DNAJC10: variants seen among roughly 807,000 people sequenced by gnomAD.
DNAJC10 encodes the protein DnaJ heat shock protein family (Hsp40) member C10.
In DNAJC10, 101 loss-of-function variants were observed where a neutral mutation model predicts 115.0. The observed-to-expected ratio is 0.88, with a 90% CI of 0.75 to 1.04. The LOEUF is 1.04. Ranked by LOEUF, DNAJC10 falls within the 50% of genes least tolerant of loss-of-function variation. DNAJC10 has a pLI of 0.00. For synonymous variants in DNAJC10, 307 were observed against 301.5 expected (o/e 1.02, Z -0.19); for missense variants, 981 against 928.8 (o/e 1.06, Z -0.73).
rs987436499 is a variant in DNAJC10 at position 182,780,920 on chromosome 2, A to C, written c.*3788A>C. 1 of 151,946 alleles carries C rather than the reference A, an allele frequency of 6.6e-6. No homozygotes were observed. The highest frequency in any genetic ancestry group is 2.4e-5 in the African/African-American group (1 of 41,354). The allele number at this position is 151,946 out of a possible 1,614,324, so 9.4% of individuals were successfully genotyped here. On this transcript the variant is annotated 3_prime_UTR_variant, in exon 24 of 24. Transcript: ENST00000264065. ...GTCCTGAAAGTTAGCAATCATCCCC[A>C]AAAAGGTCTGTGTTAATAACTGATA...
chr2:182,730,413 CAG>C (rs1370993823), intron 8 of DNAJC10: 3 of 280,682 alleles, frequency 1.1e-5, no homozygotes, highest in African/African-American at 6.8e-5. Flanking sequence ...AGTTACGTGT[CAG>C]AAACTATTAA....
Position 182,790,503 on chromosome 2 carries a change from G to T in DNAJC10, c.*13371G>T, listed in dbSNP as rs288303. 0.68 allele frequency: 102,676 copies of T among 151,888 alleles called. 35,414 individuals carry two copies. Among genetic ancestry groups the T allele is most frequent in the African/African-American group, 0.8 (33,225 of 41,402 alleles). 9.4% of individuals were successfully genotyped at this position (151,888 alleles called of 1,614,324 possible). ...TCCCTTTTCTAAAATTCAATAGTAA[G>T]GGCCAGGCACAGTGGCTCACACCTG... is the stretch of plus-strand genomic sequence containing the variant. On this transcript the variant is annotated 3_prime_UTR_variant, in exon 24 of 24. Coordinates refer to ENST00000264065, the MANE Select transcript of DNAJC10 (RefSeq NM_018981.4).
intron 21 of DNAJC10, 88 bp from the exon 22 acceptor site, chr2:182,762,594 T>A: frequency 7.5e-7 from 1 of 1,340,838 alleles, no homozygotes; most frequent in Admixed American, 2.2e-5. Flanking sequence ...AATTCTTAGA[T>A]TCAAAATGTT....
At position 182,788,695 on chromosome 2, in the gene DNAJC10, A is replaced by C. The variant is rs1694994067; in HGVS notation, c.*11563A>C. ...AGGAAGTGAGCTTATCCCACAGCACAAGTAACGTCTATTTATCTCAGAGGA... is the reference window on the plus strand; with the variant it reads ...AGGAAGTGAGCTTATCCCACAGCACCAGTAACGTCTATTTATCTCAGAGGA... On this transcript the variant is annotated 3_prime_UTR_variant, in exon 24 of 24. Coordinates refer to ENST00000264065, the MANE Select transcript of DNAJC10 (RefSeq NM_018981.4). 2.5e-6 allele frequency: 1 copy of C among 404,242 alleles called. No individual in the cohort carries two copies. Among genetic ancestry groups the C allele is most frequent in the African/African-American group, 2.1e-5 (1 of 47,644 alleles). 25.0% of individuals were successfully genotyped at this position (404,242 alleles called of 1,614,324 possible). A position where few individuals can be genotyped will look rare whatever the true frequency, so the allele number is the denominator to read the frequency against.
chr2:182,732,322 T>G (rs908159429), intron 9 of DNAJC10, among the ~76,000 whole-genome samples, 177 bp from the exon 10 acceptor site: 7 of 141,688 alleles, frequency 4.9e-5, no homozygotes, highest in Non-Finnish European at 7.4e-5. Context: ...GTGTGTGTGT[T>G]TTTGTGTGTG....
At chr2:182,748,423 A>C (rs1245528545) in intron 14 of DNAJC10, among the ~76,000 whole-genome samples, 1 of 152,218 alleles carries the variant, frequency 6.6e-6, no homozygotes, top group Non-Finnish European at 1.5e-5. Context: ...TTATTGGTCT[A>C]TTCAGAGATT....
Position 182,756,211 on chromosome 2 carries a change from T to G in DNAJC10, c.1654-103T>G. 3.1e-6 allele frequency: 3 copies of G among 962,062 alleles called. No homozygotes were observed. In the South Asian group the frequency reaches 8.0e-5, roughly 26 times the overall value. 59.6% of individuals were successfully genotyped at this position (962,062 alleles called of 1,614,324 possible). ...ATTCAAAATTCTCAATACTTCCAAG[T>G]ATTTTGGATAAGAGATACTCAACCT... On this transcript the variant is annotated intron_variant, in intron 17 of 23. Transcript: ENST00000264065.
rs565955158 is a variant in DNAJC10, at chr2:182,755,987, A to G, written c.1654-327A>G. Among the ~76,000 whole-genome samples the G allele has an allele frequency of 5.9e-5, 9 of 152,340 alleles. No individual in the cohort carries two copies. The South Asian group carries it at 1.2e-3, about 21-fold the overall frequency. On this transcript the variant is annotated intron_variant, in intron 17 of 23. Transcript: ENST00000264065. ...AAAAATCTAAGTTAGGTTTATTTTCATATTTTAAGATAATTCACATTGGAT... is the reference window on the plus strand; with the variant it reads ...AAAAATCTAAGTTAGGTTTATTTTCGTATTTTAAGATAATTCACATTGGAT...
At chr2:182,751,284 C>G (rs920056834) in intron 14 of DNAJC10, among the ~76,000 whole-genome samples, 6 of 151,656 alleles carry the variant, frequency 4.0e-5, no homozygotes, top group Non-Finnish European at 8.8e-5. Context: ...ACACACGTGG[C>G]CACCATGCCC....
intron 11 of DNAJC10, among the ~76,000 whole-genome samples, chr2:182,736,700 A>C (rs1437541047): frequency 6.6e-6 from 1 of 152,190 alleles, no homozygotes; most frequent in Non-Finnish European, 1.5e-5. Flanking sequence ...TTCCTGGGTT[A>C]TACGAAAGAG....
At chr2:182,761,134 G>T (rs1347434343) in intron 21 of DNAJC10, among the ~76,000 whole-genome samples, 1 of 152,034 alleles carries the variant, frequency 6.6e-6, no homozygotes, top group Admixed American at 6.6e-5. Flanking sequence ...TCTTTAAGGA[G>T]ATTTTAATCT....
intron 8 of DNAJC10, among the ~76,000 whole-genome samples, chr2:182,730,178 C>T (rs912619101): frequency 6.6e-6 from 1 of 152,044 alleles, no homozygotes; most frequent in Non-Finnish European, 1.5e-5. Flanking sequence ...GATAGGGCTA[C>T]GGTAAAAAAG....
chr2:182,751,940 T>A, intron 15 of DNAJC10, 132 bp from the exon 16 acceptor site: 1 of 1,183,630 alleles, frequency 8.4e-7, no homozygotes, highest in Non-Finnish European at 1.2e-6. Flanking sequence ...AGTGCTAATG[T>A]AATTACTCCT....
chr2:182,793,572 A>T lies in DNAJC10; in HGVS notation c.*16440A>T, dbSNP rs1221553194. The T allele has an allele frequency of 6.6e-6, 1 of 152,168 alleles. No individual in the cohort carries two copies. Among genetic ancestry groups the T allele is most frequent in the African/African-American group, 2.4e-5 (1 of 41,432 alleles). The allele number at this position is 152,168 out of a possible 1,614,324, so 9.4% of individuals were successfully genotyped here. A position where few individuals can be genotyped will look rare whatever the true frequency, so the allele number is the denominator to read the frequency against. On this transcript the variant is annotated 3_prime_UTR_variant, in exon 24 of 24. Coordinates refer to ENST00000264065, the MANE Select transcript of DNAJC10 (RefSeq NM_018981.4). ...GTACAGAAATAGCTTGATTGGTTAC[A>T]GATAGGCATTTGCCTTATTTGGACA...
intron 9 of DNAJC10, among the ~76,000 whole-genome samples, chr2:182,732,143 C>T (rs1693463327): frequency 6.6e-6 from 1 of 152,052 alleles, no homozygotes; most frequent in South Asian, 2.1e-4. Flanking sequence ...TATCAAATAT[C>T]TATTACATTT....
chr2:182,784,973 C>A lies in DNAJC10; in HGVS notation c.*7841C>A, dbSNP rs288311. Reference sequence around the variant, plus strand: ...ACTTGATAAGAATCACACAGTCTAGCTGGCCTTTGTGTTTTCACTAAAAAT... The same window carrying A: ...ACTTGATAAGAATCACACAGTCTAGATGGCCTTTGTGTTTTCACTAAAAAT... On this transcript the variant is annotated 3_prime_UTR_variant, in exon 24 of 24. Coordinates refer to ENST00000264065, the MANE Select transcript of DNAJC10 (RefSeq NM_018981.4). 6.6e-6 allele frequency: 1 copy of A among 152,032 alleles called. No individual in the cohort carries two copies. The highest frequency in any genetic ancestry group is 2.1e-4 in the South Asian group (1 of 4,836). The allele number at this position is 152,032 out of a possible 1,614,324, so 9.4% of individuals were successfully genotyped here.
intron 16 of DNAJC10, among the ~76,000 whole-genome samples, chr2:182,754,366 G>C (rs1242988874): frequency 1.3e-5 from 2 of 152,234 alleles, no homozygotes; most frequent in South Asian, 4.1e-4. Context: ...CACAGACAAG[G>C]ATCTCTTTAT....
Position 182,729,849 on chromosome 2 carries a change from C to T in DNAJC10, c.635C>T (p.Ala212Val). 1 of 1,579,520 alleles carries T rather than the reference C, an allele frequency of 6.3e-7. No homozygotes were observed. ...PSLFIFRSGM[A>V]PVKYHGDRSK... ...TTCTCTTCTTACAAAAACCAATAGG[C>T]CCCAGTGAAATATCATGGAGACAGA... The change falls in exon 8 of 24, where the codon GCC (alanine) becomes GTC (valine). Residue 212 changes from alanine (A) to valine (V), a missense_variant and splice_region_variant. By Grantham distance (64) the Ala-to-Val change is moderately conservative. Coordinates refer to ENST00000264065, the MANE Select transcript of DNAJC10 (RefSeq NM_018981.4).
intron 10 of DNAJC10, among the ~76,000 whole-genome samples, chr2:182,735,155 T>C (rs533202935): frequency 6.6e-6 from 1 of 151,948 alleles, no homozygotes; most frequent in African/African-American, 2.4e-5. Context: ...TAAAATTTCA[T>C]TTCCCATCTC....
Sources: allele counts gnomAD v4.1 joint callset (sites outside exome capture counted in the v4.1 genomes callset), GRCh38; gene constraint gnomAD v4.1.1; transcripts MANE v1.5; gene names NCBI Gene and HGNC (gene_info 2026-07-23, HGNC 2026-07-21).